Variants in COL6A5 observed in about 807,000 individuals in gnomAD.
COL6A5 encodes collagen alpha-5(VI) chain.
A neutral mutation model predicts 65.6 loss-of-function variants in COL6A5; 48 were observed. The ratio of observed to expected loss-of-function variants is 0.73; its 90% CI spans 0.58 to 0.93. COL6A5 has a LOEUF of 0.93. Ranked by LOEUF, COL6A5 falls within the 40% of genes least tolerant of loss-of-function variation. The pLI, the probability that COL6A5 is intolerant of heterozygous loss-of-function variation, is 0.00. For missense variants in COL6A5, 914 were observed against 928.3 expected, an observed-to-expected ratio of 0.98 and a Z score of 0.20; for synonymous variants, 291 against 322.8, an observed-to-expected ratio of 0.90 and a Z score of 1.05.
intron 17 of COL6A5, 84 bp from the exon 18 acceptor site, chr3:130,409,242 C>A: frequency 2.1e-6 from 2 of 959,980 alleles, no homozygotes; most frequent in Non-Finnish European, 3.0e-6. Context: ...TCTGATTAAC[C>A]CCCCTACATA....
chr3:130,393,070 TTTTTTTTG>T (rs66527468), intron 7 of COL6A5, among the ~76,000 whole-genome samples: 36,189 of 137,770 alleles, frequency 0.26, 5,404 homozygotes, highest in East Asian at 0.59. Context: ...TTACAGTGTT[TTTTTTTTG>T]TGTGTGTGTG....
intron 1 of COL6A5, among the ~76,000 whole-genome samples, chr3:130,354,770 G>A (rs1168954247): frequency 6.6e-6 from 1 of 152,102 alleles, no homozygotes; most frequent in African/African-American, 2.4e-5. Context: ...GAAGGCCATG[G>A]GCTAAGGACC....
intron 27 of COL6A5, 116 bp downstream of exon 27, chr3:130,421,476 G>A: frequency 1.1e-6 from 1 of 942,732 alleles, no homozygotes. Flanking sequence ...AAGGACAGTT[G>A]TTTTCCTTGG....
At chr3:130,384,819 A>G in exon 5 of COL6A5, 1 of 1,546,416 alleles carries the variant, frequency 6.5e-7, no homozygotes, top group Non-Finnish European at 8.7e-7. Context: ...GTGGATACAA[A>G]AGAGGCTGAT....
intron 5 of COL6A5, among the ~76,000 whole-genome samples, chr3:130,455,994 G>A (rs1709563423): frequency 6.6e-6 from 1 of 152,014 alleles, no homozygotes; most frequent in Admixed American, 6.6e-5. Flanking sequence ...GGATTAAAAT[G>A]ACTTTTTTTT....
At chr3:130,356,471 C>T (rs961825690) in intron 1 of COL6A5, among the ~76,000 whole-genome samples, 8 of 151,900 alleles carry the variant, frequency 5.3e-5, no homozygotes, top group Non-Finnish European at 1.2e-4. Context: ...AAAAACTGAG[C>T]GTTATATTAG....
At chr3:130,364,596 C>T (rs1335718553) in intron 1 of COL6A5, among the ~76,000 whole-genome samples, 8 of 152,118 alleles carry the variant, frequency 5.3e-5, no homozygotes, top group African/African-American at 1.4e-4. Flanking sequence ...AGAGAGCAGG[C>T]GGGTCTAGTT....
At chr3:130,379,768 C>G (rs1393198526) in exon 4 of COL6A5, 4 of 1,551,268 alleles carry the variant, frequency 2.6e-6, no homozygotes, top group Non-Finnish European at 3.5e-6. Flanking sequence ...AGGAGTGCCT[C>G]AGATTGCAGT....
Position 130,471,161 on chromosome 3 carries a change from G to A in COL6A5, c.2328+194G>A, listed in dbSNP as rs1228882763. Among the ~76,000 whole-genome samples the A allele has an allele frequency of 2.0e-5, 3 of 151,774 alleles. No homozygotes were observed. The South Asian group carries it at 6.3e-4, about 32-fold the overall frequency. Reference sequence around the variant, plus strand: ...TCTGAAATTAATCGCAGATAGAACAGGACTTATATTTGAAAGAACTTTGCT... The same window carrying A: ...TCTGAAATTAATCGCAGATAGAACAAGACTTATATTTGAAAGAACTTTGCT... On this transcript the variant is annotated intron_variant, in intron 7 of 7. Coordinates refer to ENST00000512836, the Ensembl canonical transcript of COL6A5.
chr3:130,355,537 TAG>T (rs897656921), intron 1 of COL6A5, among the ~76,000 whole-genome samples: 1 of 152,018 alleles, frequency 6.6e-6, no homozygotes, highest in Non-Finnish European at 1.5e-5. Flanking sequence ...AAGTGAAAAT[TAG>T]AGAGAGATAT....
chr3:130,352,948 C>T (rs992894183), intron 1 of COL6A5, among the ~76,000 whole-genome samples: 4 of 152,086 alleles, frequency 2.6e-5, no homozygotes, highest in African/African-American at 9.7e-5. Flanking sequence ...ACTAAGAGTA[C>T]TTGCCTCATA....
chr3:130,455,911 C>A (rs1054221614), intron 5 of COL6A5, among the ~76,000 whole-genome samples: 2 of 152,074 alleles, frequency 1.3e-5, no homozygotes, highest in Non-Finnish European at 2.9e-5. Flanking sequence ...CTTAAGATTT[C>A]TCTAGCATCC....
At chr3:130,410,521 C>T in exon 20 of COL6A5, 1 of 1,549,726 alleles carries the variant, frequency 6.5e-7, no homozygotes, top group Non-Finnish European at 8.7e-7. Context: ...CCAGAGGCAG[C>T]AGGGTAAGTA....
At chr3:130,434,170 G>A (rs1237163515) in intron 1 of COL6A5, among the ~76,000 whole-genome samples, 1 of 152,102 alleles carries the variant, frequency 6.6e-6, no homozygotes, top group African/African-American at 2.4e-5. Flanking sequence ...TCCCAATTAT[G>A]AGTGAGAACA....
chr3:130,469,030 T>A (rs1253720701), exon 6 of COL6A5: 4 of 1,612,780 alleles, frequency 2.5e-6, no homozygotes, highest in Non-Finnish European at 3.4e-6. Flanking sequence ...TGAGCTACTC[T>A]CCTCCAGGCT....
chr3:130,451,267 G>A (rs774247309), intron 4 of COL6A5, among the ~76,000 whole-genome samples: 2 of 152,148 alleles, frequency 1.3e-5, no homozygotes, highest in Non-Finnish European at 2.9e-5. Context: ...AGTTTGAAGA[G>A]TAGGCATCTG....
In COL6A5 at chr3:130,376,243, G is replaced by A. The variant is rs928641215; in HGVS notation, c.74G>A (p.Gly25Asp). Residue 25 changes from glycine (G) to aspartate (D), a missense_variant and NMD_transcript_variant, in exon 3 of 42, where the codon GGC (glycine) becomes GAC (aspartate). Physicochemically the swap from Gly to Asp is moderately conservative, Grantham distance 94. Transcript: ENST00000312481. The stretch of plus-strand genomic sequence containing the variant: ...TGTTATTTTATTTTGATAGGGCCAG[G>A]CCCTGTGTATGCAGATGTCGTGTTT... 3 of 1,597,880 alleles carry A rather than the reference G, an allele frequency of 1.9e-6. No individual in the cohort carries two copies. The African/African-American group carries it at 4.0e-5, about 21-fold the overall frequency.
At chr3:130,368,213 A>G (rs953929649) in intron 1 of COL6A5, among the ~76,000 whole-genome samples, 9 of 152,208 alleles carry the variant, frequency 5.9e-5, no homozygotes, top group African/African-American at 2.2e-4. Context: ...GCTGTGCCCC[A>G]GAGTTGCTCA....
chr3:130,425,139 A>G (rs772308144), intron 29 of COL6A5, among the ~76,000 whole-genome samples: 1 of 152,126 alleles, frequency 6.6e-6, no homozygotes, highest in Non-Finnish European at 1.5e-5. Flanking sequence ...AGGAAGAATG[A>G]CACTACATGT....
Sources: gnomAD v4.1 joint callset for allele counts (sites outside exome capture counted in the v4.1 genomes callset) on GRCh38, gnomAD v4.1.1 for gene constraint, MANE v1.5 for transcripts, NCBI Gene and HGNC (gene_info 2026-07-23, HGNC 2026-07-21) for gene names.